ADARB2: variants seen among roughly 807,000 people sequenced by gnomAD.
The protein encoded by ADARB2 is inactive double-stranded RNA-specific editase B2.
In ADARB2, 25 loss-of-function variants were observed where a neutral mutation model predicts 62.2. The observed-to-expected ratio is 0.40, with a 90% CI of 0.29 to 0.56. The LOEUF (loss-of-function observed/expected upper bound fraction) is 0.56. Ranked by LOEUF, ADARB2 falls within the 20% of genes least tolerant of loss-of-function variation. The pLI is 0.43. For missense variants in ADARB2, 1,071 were observed against 1,077.4 expected (o/e 0.99, Z 0.08); for synonymous variants, 572 against 500.8 (o/e 1.14, Z -1.90).
chr10:1,548,784 C>A (rs750592053), intron 1 of ADARB2, among the ~76,000 whole-genome samples: 4 of 152,190 alleles, frequency 2.6e-5, no homozygotes, highest in Non-Finnish European at 2.9e-5. Context: ...GGGAGGTTGG[C>A]TAATGGTGTC....
intron 1 of ADARB2, among the ~76,000 whole-genome samples, chr10:1,399,736 G>T (rs1379088557): frequency 6.6e-6 from 1 of 152,220 alleles, no homozygotes; most frequent in Admixed American, 6.5e-5. Flanking sequence ...TTGTCACTGA[G>T]TGTGCCAGGG....
intron 8 of ADARB2, 33 bp from the exon 9 acceptor site, chr10:1,185,072 T>C: frequency 6.3e-7 from 1 of 1,597,682 alleles, no homozygotes; most frequent in South Asian, 1.1e-5. Flanking sequence ...CGGGCGTTAA[T>C]ATTCCTGGCC....
In ADARB2 at chr10:1,255,263, C is replaced by A. The variant is rs989362232; in HGVS notation, c.1193-12964G>T. Among the ~76,000 whole-genome samples the A allele has an allele frequency of 3.3e-5, 5 of 152,228 alleles. No homozygotes were observed. Among genetic ancestry groups the A allele is most frequent in the African/African-American group, 1.2e-4 (5 of 41,462 alleles). On this transcript the variant is annotated intron_variant, in intron 4 of 9. Coordinates refer to ENST00000381312, the MANE Select transcript of ADARB2 (RefSeq NM_018702.4). The surrounding 1 kb of genome is among the most constrained non-coding windows in gnomAD (Gnocchi z 4.7). ...CCAAAATGGCTGGGGCTTGCTTTGT[C>A]AACACAGATTCACATGTTGCTCTGA...
chr10:1,660,549 G>T (rs1834233217), intron 1 of ADARB2, among the ~76,000 whole-genome samples: 1 of 152,162 alleles, frequency 6.6e-6, no homozygotes, highest in Admixed American at 6.5e-5. Context: ...CAGAGCCCCT[G>T]GGATTTTGCC....
intron 1 of ADARB2, among the ~76,000 whole-genome samples, chr10:1,714,273 C>T (rs1045895017): frequency 6.6e-6 from 1 of 152,214 alleles, no homozygotes; most frequent in African/African-American, 2.4e-5. Flanking sequence ...CCTCCGTAAA[C>T]GACGTGTGAG....
At chr10:1,516,987 C>G (rs1468943987) in intron 1 of ADARB2, among the ~76,000 whole-genome samples, 1 of 152,204 alleles carries the variant, frequency 6.6e-6, no homozygotes, top group Non-Finnish European at 1.5e-5. Context: ...CCACGCCGGC[C>G]AGTCCCTTCC....
At chr10:1,692,251 C>T (rs1190075494) in intron 1 of ADARB2, among the ~76,000 whole-genome samples, 1 of 152,224 alleles carries the variant, frequency 6.6e-6, no homozygotes, top group Non-Finnish European at 1.5e-5. Context: ...TCTAATGAAG[C>T]TTTCCTAAAC....
At chr10:1,333,151 A>G (rs1026939633) in intron 3 of ADARB2, among the ~76,000 whole-genome samples, 1 of 152,250 alleles carries the variant, frequency 6.6e-6, no homozygotes, top group Non-Finnish European at 1.5e-5. Context: ...CATGTGCCCC[A>G]GACTTGGCTG....
intron 1 of ADARB2, among the ~76,000 whole-genome samples, chr10:1,440,258 C>T (rs1011782096): frequency 6.6e-6 from 1 of 152,182 alleles, no homozygotes; most frequent in African/African-American, 2.4e-5. Flanking sequence ...AGCTGAGCAG[C>T]ACCTGGGCTC....
chr10:1,354,990 G>A (rs575009206), intron 3 of ADARB2, among the ~76,000 whole-genome samples: 7 of 152,202 alleles, frequency 4.6e-5, no homozygotes, highest in Non-Finnish European at 1.0e-4. Context: ...CTGCAGGCAG[G>A]TGACCCGATC....
chr10:1,317,757 G>A (rs992836973), intron 3 of ADARB2, among the ~76,000 whole-genome samples: 1 of 148,572 alleles, frequency 6.7e-6, no homozygotes, highest in Non-Finnish European at 1.5e-5. Context: ...AGGCCTGGGG[G>A]GGGGTGGGTC....
intron 3 of ADARB2, among the ~76,000 whole-genome samples, chr10:1,328,204 G>A (rs1831894539): frequency 6.6e-6 from 1 of 152,216 alleles, no homozygotes; most frequent in Admixed American, 6.5e-5. Flanking sequence ...ATGACGTGGA[G>A]ATGAGCGATT....
intron 4 of ADARB2, among the ~76,000 whole-genome samples, chr10:1,265,945 C>T (rs1471992462): frequency 1.6e-5 from 2 of 128,556 alleles, no homozygotes; most frequent in Admixed American, 1.5e-4. Context: ...GGAAGACGGC[C>T]TGAGAGGGGG....
chr10:1,610,373 T>C (rs1286188707), intron 1 of ADARB2, among the ~76,000 whole-genome samples: 2 of 152,146 alleles, frequency 1.3e-5, no homozygotes, highest in Admixed American at 1.3e-4. Flanking sequence ...CAGGCTTTGC[T>C]CCCCTCTGTC....
chr10:1,187,395 C>A (rs747301803), intron 8 of ADARB2, among the ~76,000 whole-genome samples: 1 of 152,106 alleles, frequency 6.6e-6, no homozygotes, highest in Non-Finnish European at 1.5e-5. Context: ...CCGCTCCCAT[C>A]GCCAGGCGGC....
intron 6 of ADARB2, among the ~76,000 whole-genome samples, chr10:1,227,365 G>A (rs1830757347): frequency 2.0e-5 from 3 of 152,320 alleles, no homozygotes; most frequent in Non-Finnish European, 2.9e-5. Flanking sequence ...CGGGTGAGGC[G>A]ATGCCTCGCC....
chr10:1,696,649 C>T (rs1238394803), intron 1 of ADARB2, among the ~76,000 whole-genome samples: 5 of 152,224 alleles, frequency 3.3e-5, no homozygotes, highest in Admixed American at 3.3e-4. Context: ...CCTGGACAGG[C>T]TGTGCCTCCG....
chr10:1,681,752 G>A lies in ADARB2; in HGVS notation c.100+55299C>T, dbSNP rs531505591. 2.9e-3 allele frequency among the ~76,000 whole-genome samples: 439 copies of A among 152,298 alleles called. 1 individual carries two copies. The highest frequency in any genetic ancestry group is 5.3e-3 in the Non-Finnish European group (360 of 68,026). ...AGCAGCCCAGTCCAACTTCACAATG[G>A]GGCCTGATAACATGCATTTTACATG... On this transcript the variant is annotated intron_variant, in intron 1 of 9. Transcript: ENST00000381312.
rs1019464118 is a variant in ADARB2, at chr10:1,271,632, GCACA to G, written c.1078-567_1078-564del. 1.8e-4 allele frequency among the ~76,000 whole-genome samples: 27 copies of G among 150,638 alleles called. No individual in the cohort carries two copies. The East Asian group carries it at 2.8e-3, about 15-fold the overall frequency. On this transcript the variant is annotated intron_variant, in intron 3 of 9. Coordinates refer to ENST00000381312, the MANE Select transcript of ADARB2 (RefSeq NM_018702.4). The stretch of plus-strand genomic sequence containing the variant: ...TGCACACACGAATATGCACACACAT[GCACA>G]CACACAGACACACACATACACATAC...
Sources: allele counts gnomAD v4.1 joint callset (sites outside exome capture counted in the v4.1 genomes callset), GRCh38; gene constraint gnomAD v4.1.1; non-coding constraint Gnocchi (gnomAD v3.1); transcripts MANE v1.5; gene names NCBI Gene and HGNC (gene_info 2026-07-23, HGNC 2026-07-21).